Variants in CFAP299 observed in about 807,000 individuals in gnomAD.
CFAP299 encodes the protein cilia and flagella associated protein 299.
A neutral mutation model predicts 27.0 loss-of-function variants in CFAP299; 21 were observed. The observed-to-expected ratio is 0.78, with a 90% CI of 0.55 to 1.12. CFAP299 has a LOEUF of 1.12. CFAP299 is among the 50% of genes most tolerant of loss of function. The pLI is 0.00. For synonymous variants in CFAP299, 104 were observed against 98.1 expected (o/e 1.06, Z -0.36); for missense variants, 310 against 276.6 (o/e 1.12, Z -0.86).
intron 2 of CFAP299, among the ~76,000 whole-genome samples, chr4:80,562,390 G>A (rs897609913): frequency 1.3e-5 from 2 of 152,164 alleles, no homozygotes; most frequent in South Asian, 2.1e-4. Context: ...TTGAGGTCAA[G>A]AGTTCGAGAC....
At chr4:80,375,420 C>T (rs1446523673) in intron 2 of CFAP299, among the ~76,000 whole-genome samples, 1 of 152,080 alleles carries the variant, frequency 6.6e-6, no homozygotes, top group African/African-American at 2.4e-5. Context: ...CTTTTAACAA[C>T]TGGACCATAC....
chr4:80,658,017 A>G (rs1170141717), intron 3 of CFAP299, among the ~76,000 whole-genome samples: 1 of 152,016 alleles, frequency 6.6e-6, no homozygotes, highest in East Asian at 1.9e-4. Flanking sequence ...TTCACTCATG[A>G]TTTGGCTCTC....
chr4:80,745,597 C>G (rs1032733391), intron 3 of CFAP299, among the ~76,000 whole-genome samples: 1 of 151,290 alleles, frequency 6.6e-6, no homozygotes, highest in African/African-American at 2.4e-5. Context: ...GAAGATAGCA[C>G]AGTTTCCATA....
intron 2 of CFAP299, among the ~76,000 whole-genome samples, chr4:80,399,771 A>G (rs1210510392): frequency 6.6e-6 from 1 of 152,102 alleles, no homozygotes; most frequent in Non-Finnish European, 1.5e-5. Flanking sequence ...GCACACCAAC[A>G]TGACATATGT....
intron 3 of CFAP299, among the ~76,000 whole-genome samples, chr4:80,813,517 T>C (rs1464296484): frequency 1.3e-5 from 2 of 152,010 alleles, no homozygotes; most frequent in African/African-American, 4.8e-5. Flanking sequence ...TTTCTGTTGA[T>C]CCTAATATAA....
intron 3 of CFAP299, among the ~76,000 whole-genome samples, chr4:80,799,373 T>C (rs1358354290): frequency 1.0e-5 from 1 of 96,994 alleles, no homozygotes; most frequent in Non-Finnish European, 1.8e-5. Context: ...TATTTATATA[T>C]ATAAATGTAT....
intron 3 of CFAP299, among the ~76,000 whole-genome samples, chr4:80,817,086 T>G (rs1729458022): frequency 6.6e-6 from 1 of 152,066 alleles, no homozygotes; most frequent in African/African-American, 2.4e-5. Context: ...TGTCCCAGGT[T>G]AGGCAGTGTC....
At chr4:80,540,296 G>A (rs17004933) in intron 2 of CFAP299, among the ~76,000 whole-genome samples, 18,705 of 152,144 alleles carry the variant, frequency 0.12, 1,579 homozygotes, top group African/African-American at 0.23. Flanking sequence ...ACAGAGGACA[G>A]GCAATAGATG....
chr4:80,881,269 T>C (rs1733691081), intron 4 of CFAP299, among the ~76,000 whole-genome samples: 1 of 152,110 alleles, frequency 6.6e-6, no homozygotes, highest in South Asian at 2.1e-4. Flanking sequence ...ATAAGGTGCA[T>C]AACAGAGGTT....
At chr4:80,464,285 A>C (rs1729604017) in intron 2 of CFAP299, among the ~76,000 whole-genome samples, 2 of 152,230 alleles carry the variant, frequency 1.3e-5, no homozygotes, top group Admixed American at 6.5e-5. Context: ...ACTCAGTTGC[A>C]TAATTCAAGG....
rs147279267 is a variant in CFAP299, at chr4:80,600,490, A to T, written c.333+17307A>T. ...TTGACAGTGTACGTTTATTTTCCAA[A>T]TACAAATATAATACAGATTGGACTC... is the stretch of plus-strand genomic sequence containing the variant. On this transcript the variant is annotated intron_variant, in intron 3 of 5. Coordinates refer to ENST00000358105, the MANE Select transcript of CFAP299 (RefSeq NM_152770.3). Among the ~76,000 whole-genome samples the T allele has an allele frequency of 6.8e-3, 1,036 of 152,276 alleles. 13 individuals are homozygous for T. The highest frequency in any genetic ancestry group is 0.024 in the African/African-American group (995 of 41,576).
chr4:80,628,275 T>A (rs1396044368), intron 3 of CFAP299, among the ~76,000 whole-genome samples: 2 of 152,028 alleles, frequency 1.3e-5, no homozygotes, highest in Non-Finnish European at 2.9e-5. Flanking sequence ...AAACAGGATA[T>A]TCACAGGCAG....
rs144310082 is a variant in CFAP299 at position 80,568,144 on chromosome 4, A to T, written c.243-14949A>T. Reference sequence around the variant, plus strand: ...GAGTTAGAAAAACTTTTAGGGAAAAATGAGTGTGTGTTATTCTGATCAATT... The same window carrying T: ...GAGTTAGAAAAACTTTTAGGGAAAATTGAGTGTGTGTTATTCTGATCAATT... On this transcript the variant is annotated intron_variant, in intron 2 of 5. Transcript: ENST00000358105. Among the ~76,000 whole-genome samples the T allele has an allele frequency of 7.8e-3, 1,182 of 151,936 alleles. 17 individuals are homozygous for T. Among genetic ancestry groups the T allele is most frequent in the African/African-American group, 0.027 (1,122 of 41,522 alleles).
At chr4:80,862,267 G>A (rs1578194211) in intron 3 of CFAP299, among the ~76,000 whole-genome samples, 1 of 152,204 alleles carries the variant, frequency 6.6e-6, no homozygotes, top group East Asian at 1.9e-4. Flanking sequence ...CTACTCGGTA[G>A]GCTGAGGCAG....
intron 3 of CFAP299, among the ~76,000 whole-genome samples, chr4:80,622,724 G>A (rs908694987): frequency 1.3e-5 from 2 of 152,076 alleles, no homozygotes; most frequent in Non-Finnish European, 2.9e-5. Context: ...TCAAAAGCAA[G>A]ATCAATATTT....
chr4:80,720,078 C>T (rs1313683872), intron 3 of CFAP299, among the ~76,000 whole-genome samples: 1 of 152,042 alleles, frequency 6.6e-6, no homozygotes, highest in Non-Finnish European at 1.5e-5. Flanking sequence ...CTGAAGTCTC[C>T]TTGAGTTGAG....
At chr4:80,723,660 A>C (rs1414954115) in intron 3 of CFAP299, among the ~76,000 whole-genome samples, 1 of 152,150 alleles carries the variant, frequency 6.6e-6, no homozygotes, top group African/African-American at 2.4e-5. Context: ...TATTATCTTT[A>C]TTGTTGTGAC....
intron 2 of CFAP299, among the ~76,000 whole-genome samples, chr4:80,449,838 A>G (rs1467459466): frequency 6.6e-6 from 1 of 151,948 alleles, no homozygotes; most frequent in Non-Finnish European, 1.5e-5. Flanking sequence ...AATTTTATTT[A>G]ATATTTATAA....
chr4:80,359,666 A>T (rs570585841), intron 1 of CFAP299, among the ~76,000 whole-genome samples: 1 of 152,280 alleles, frequency 6.6e-6, no homozygotes, highest in African/African-American at 2.4e-5. Context: ...GTTTCAGCTC[A>T]ATCAGGTTAG....
Sources: gnomAD v4.1 joint callset for allele counts (sites outside exome capture counted in the v4.1 genomes callset) on GRCh38, gnomAD v4.1.1 for gene constraint, MANE v1.5 for transcripts, NCBI Gene and HGNC (gene_info 2026-07-23, HGNC 2026-07-21) for gene names.